The following ADGRL2 variants were observed in gnomAD, a reference collection of about 807,000 sequenced individuals.
ADGRL2 encodes calcium-independent alpha-latrotoxin receptor 2.
In ADGRL2, 44 loss-of-function variants were observed where a neutral mutation model predicts 157.4. That is an observed-to-expected ratio of 0.28 (90% CI 0.22 to 0.36). The LOEUF (loss-of-function observed/expected upper bound fraction) is 0.36. Ranked by LOEUF, ADGRL2 falls within the 10% of genes least tolerant of loss-of-function variation. The probability of loss-of-function intolerance (pLI) is 1.00; values close to 1 mark genes in which losing one functional copy is unlikely to be tolerated. For synonymous variants in ADGRL2, 585 were observed against 624.7 expected (o/e 0.94, Z 0.95); for missense variants, 1,510 against 1,768.9 (o/e 0.85, Z 2.63).
chr1:81,693,107 T>A (rs190325161), intron 3 of ADGRL2, among the ~76,000 whole-genome samples: 1 of 152,310 alleles, frequency 6.6e-6, no homozygotes, highest in East Asian at 1.9e-4. Flanking sequence ...TACATTGAAC[T>A]GATGTATGGC....
At chr1:81,845,829 C>T (rs1040952254) in intron 2 of ADGRL2, among the ~76,000 whole-genome samples, 17 of 151,622 alleles carry the variant, frequency 1.1e-4, no homozygotes, top group African/African-American at 2.2e-4. Flanking sequence ...TAACACTAAT[C>T]GCAGGTTTAA....
intron 1 of ADGRL2, among the ~76,000 whole-genome samples, chr1:81,829,862 C>G (rs1484812458): frequency 6.6e-6 from 1 of 152,108 alleles, no homozygotes; most frequent in Non-Finnish European, 1.5e-5. Flanking sequence ...GAACTTGAGA[C>G]CTAGATGCTT....
chr1:81,490,029 A>G (rs949318175), intron 2 of ADGRL2, among the ~76,000 whole-genome samples: 4 of 150,560 alleles, frequency 2.7e-5, no homozygotes, highest in African/African-American at 9.8e-5. Flanking sequence ...ATATCTCAAT[A>G]AAGGTAAATA....
intron 1 of ADGRL2, among the ~76,000 whole-genome samples, chr1:81,752,309 T>C (rs774138246): frequency 6.6e-6 from 1 of 152,198 alleles, no homozygotes; most frequent in African/African-American, 2.4e-5. Context: ...AATACATTTC[T>C]CTTGTTTATA....
intron 17 of ADGRL2, 63 bp from the exon 18 acceptor site, chr1:81,979,806 C>T: frequency 1.1e-6 from 1 of 934,506 alleles, no homozygotes; most frequent in Non-Finnish European, 1.7e-6. Flanking sequence ...GATACATTTG[C>T]AAGAACTATT....
At chr1:81,690,950 C>T (rs1185394178) in intron 3 of ADGRL2, among the ~76,000 whole-genome samples, 1 of 152,204 alleles carries the variant, frequency 6.6e-6, no homozygotes, top group African/African-American at 2.4e-5. Context: ...TACAGAAGCA[C>T]TTAAAGAAGA....
intron 1 of ADGRL2, among the ~76,000 whole-genome samples, chr1:81,413,573 T>C (rs1482970361): frequency 6.6e-6 from 1 of 152,168 alleles, no homozygotes; most frequent in Non-Finnish European, 1.5e-5. Flanking sequence ...AGATGTGAGG[T>C]TGTTTACAAG....
chr1:81,840,547 A>G (rs1366355302), intron 2 of ADGRL2, among the ~76,000 whole-genome samples: 1 of 152,134 alleles, frequency 6.6e-6, no homozygotes, highest in Non-Finnish European at 1.5e-5. Flanking sequence ...GCATTTTTAA[A>G]GTTTGAACAT....
Position 81,991,913 on chromosome 1 carries a change from C to T in ADGRL2, c.*768C>T, listed in dbSNP as rs1213194090. The T allele has an allele frequency of 6.6e-6, 1 of 152,598 alleles. No homozygotes were observed. The highest frequency in any genetic ancestry group is 2.4e-5 in the African/African-American group (1 of 41,444). The allele number at this position is 152,598 out of a possible 1,614,324, so 9.5% of individuals were successfully genotyped here. ...TGAAATGTTTTTTCTTACACTTTGTCATGGTAAGTTCTACTCATTTTCACT... is the reference window on the plus strand; with the variant it reads ...TGAAATGTTTTTTCTTACACTTTGTTATGGTAAGTTCTACTCATTTTCACT... On this transcript the variant is annotated 3_prime_UTR_variant, in exon 24 of 24. Coordinates refer to ENST00000686636, the MANE Select transcript of ADGRL2 (RefSeq NM_001366006.2).
intron 17 of ADGRL2, among the ~76,000 whole-genome samples, chr1:81,978,358 TA>T (rs1213179686): frequency 6.6e-6 from 1 of 151,772 alleles, no homozygotes; most frequent in Non-Finnish European, 1.5e-5. Flanking sequence ...TTATGGAAAA[TA>T]AAGCCAGATA....
chr1:81,971,732 G>C, intron 16 of ADGRL2, 120 bp from the exon 17 acceptor site: 1 of 569,782 alleles, frequency 1.8e-6, no homozygotes, highest in Non-Finnish European at 3.1e-6. Context: ...CATGATAAAT[G>C]AATCTTCAAA....
At chr1:81,726,761 G>A (rs760653769) in intron 1 of ADGRL2, among the ~76,000 whole-genome samples, 58 of 152,190 alleles carry the variant, frequency 3.8e-4, no homozygotes, top group Non-Finnish European at 7.8e-4. Context: ...CTCACATCAT[G>A]TTACCTACAG....
intron 1 of ADGRL2, among the ~76,000 whole-genome samples, chr1:81,338,267 G>A (rs888145326): frequency 2.1e-4 from 32 of 152,188 alleles, no homozygotes; most frequent in African/African-American, 7.7e-4. Flanking sequence ...GGAGGCTAAG[G>A]CCCAAGAATC....
intron 2 of ADGRL2, among the ~76,000 whole-genome samples, chr1:81,777,910 A>G (rs1252424772): frequency 6.6e-6 from 1 of 152,190 alleles, no homozygotes; most frequent in African/African-American, 2.4e-5. Context: ...CACATTAGAC[A>G]AGGCCAAAGA....
At chr1:81,629,733 A>G (rs1265672963) in intron 3 of ADGRL2, among the ~76,000 whole-genome samples, 2 of 151,170 alleles carry the variant, frequency 1.3e-5, no homozygotes, top group Non-Finnish European at 2.9e-5. Flanking sequence ...ATGTGCATGC[A>G]TGTATGTGTT....
chr1:81,523,133 A>G (rs1156288380), intron 2 of ADGRL2, among the ~76,000 whole-genome samples: 1 of 152,216 alleles, frequency 6.6e-6, no homozygotes, highest in African/African-American at 2.4e-5. Flanking sequence ...AAACACTTGC[A>G]TAGATAGAGA....
At chr1:81,769,384 G>C (rs1363776898) in intron 2 of ADGRL2, among the ~76,000 whole-genome samples, 2 of 152,064 alleles carry the variant, frequency 1.3e-5, no homozygotes, top group Non-Finnish European at 2.9e-5. Context: ...TGTGTATGCT[G>C]TGAGTAGTAA....
intron 2 of ADGRL2, among the ~76,000 whole-genome samples, chr1:81,840,931 C>A (rs962997488): frequency 6.6e-6 from 1 of 151,930 alleles, no homozygotes; most frequent in Non-Finnish European, 1.5e-5. Flanking sequence ...AAGCATAGTA[C>A]CCACTGTGGA....
intron 2 of ADGRL2, among the ~76,000 whole-genome samples, chr1:81,505,818 A>C (rs888017849): frequency 6.6e-6 from 1 of 151,946 alleles, no homozygotes; most frequent in Admixed American, 6.5e-5. Flanking sequence ...AAAAAAAAGC[A>C]CGTTTTTACT....
Sources: allele counts gnomAD v4.1 joint callset (sites outside exome capture counted in the v4.1 genomes callset), GRCh38; gene constraint gnomAD v4.1.1; transcripts MANE v1.5; gene names NCBI Gene and HGNC (gene_info 2026-07-23, HGNC 2026-07-21).